Variants in BBS9 observed in about 807,000 individuals in gnomAD.
The protein encoded by BBS9 is Bardet-Biedl syndrome 9.
BBS9 carries 89 observed loss-of-function variants against 117.7 expected under a neutral mutation model. The observed-to-expected ratio is 0.76, with a 90% CI of 0.64 to 0.90. The LOEUF is 0.90. Among genes scored for constraint, BBS9 ranks in the 40% least tolerant of loss-of-function variants. The pLI, the probability that BBS9 is intolerant of heterozygous loss-of-function variation, is 0.00. For synonymous variants in BBS9, 379 were observed against 370.9 expected (o/e 1.02, Z -0.25); for missense variants, 982 against 1,042.2 (o/e 0.94, Z 0.80).
At chr7:33,452,718 G>T (rs537507910) in intron 19 of BBS9, among the ~76,000 whole-genome samples, 1 of 152,306 alleles carries the variant, frequency 6.6e-6, no homozygotes, top group African/African-American at 2.4e-5. Flanking sequence ...CATAAATTTT[G>T]AGGGTAAAAA....
chr7:33,552,536 C>G (rs546633369), intron 21 of BBS9, among the ~76,000 whole-genome samples: 1 of 152,284 alleles, frequency 6.6e-6, no homozygotes, highest in East Asian at 1.9e-4. Flanking sequence ...TAGATCAACT[C>G]TGCAACTGGA....
chr7:33,566,133 T>G (rs954875871), intron 21 of BBS9, among the ~76,000 whole-genome samples: 3 of 151,486 alleles, frequency 2.0e-5, no homozygotes, highest in African/African-American at 7.3e-5. Flanking sequence ...TACTCACACC[T>G]TCACATATTT....
intron 5 of BBS9, among the ~76,000 whole-genome samples, chr7:33,256,699 T>C (rs2128311350): frequency 6.6e-6 from 1 of 152,262 alleles, no homozygotes; most frequent in East Asian, 1.9e-4. Flanking sequence ...TTACTGTATA[T>C]GGTGTATGAG....
chr7:33,471,755 T>A (rs959077706), intron 19 of BBS9, among the ~76,000 whole-genome samples: 3 of 152,152 alleles, frequency 2.0e-5, no homozygotes, highest in Non-Finnish European at 4.4e-5. Context: ...CTTGCCAAAT[T>A]TGTAAAGGTT....
intron 5 of BBS9, among the ~76,000 whole-genome samples, chr7:33,211,143 T>C (rs1787936591): frequency 6.6e-6 from 1 of 152,236 alleles, no homozygotes; most frequent in African/African-American, 2.4e-5. Flanking sequence ...TGTGTTTTAA[T>C]TGGAGAGTTT....
chr7:33,586,399 A>G (rs1860897426), intron 21 of BBS9, among the ~76,000 whole-genome samples: 1 of 151,908 alleles, frequency 6.6e-6, no homozygotes, highest in African/African-American at 2.4e-5. Flanking sequence ...TAAATAACAG[A>G]TCTGGGTGAG....
chr7:33,467,463 TGTTA>T (rs996444660), intron 19 of BBS9, among the ~76,000 whole-genome samples: 7 of 152,142 alleles, frequency 4.6e-5, no homozygotes, highest in African/African-American at 1.7e-4. Context: ...CAAATAAGTC[TGTTA>T]GTTCATTTGT....
At chr7:33,404,456 T>C (rs1015147836) in intron 19 of BBS9, among the ~76,000 whole-genome samples, 40 of 152,136 alleles carry the variant, frequency 2.6e-4, no homozygotes, top group African/African-American at 9.7e-4. Flanking sequence ...TTTCACGGTA[T>C]TGATTCTTCC....
chr7:33,611,706 T>G (rs1212294882), intron 21 of BBS9, among the ~76,000 whole-genome samples: 1 of 138,880 alleles, frequency 7.2e-6, no homozygotes, highest in Non-Finnish European at 1.5e-5. Context: ...TTAATATATA[T>G]AAGGTGTATT....
chr7:33,546,694 G>A (rs1257230874), intron 21 of BBS9, among the ~76,000 whole-genome samples: 1 of 152,052 alleles, frequency 6.6e-6, no homozygotes, highest in Non-Finnish European at 1.5e-5. Context: ...AGTTCCCTTG[G>A]CCTGGAGAGG....
intron 18 of BBS9, among the ~76,000 whole-genome samples, chr7:33,384,061 G>A (rs937817357): frequency 6.6e-6 from 1 of 152,114 alleles, no homozygotes. Context: ...ATGTCGTCTG[G>A]CCCTGGAACA....
intron 21 of BBS9, among the ~76,000 whole-genome samples, chr7:33,625,054 G>A (rs938697805): frequency 1.3e-5 from 2 of 152,172 alleles, no homozygotes; most frequent in Non-Finnish European, 2.9e-5. Context: ...TTGATAAGGA[G>A]TTTTATTGGA....
chr7:33,228,131 C>T (rs915053524), intron 5 of BBS9, among the ~76,000 whole-genome samples: 1 of 152,100 alleles, frequency 6.6e-6, no homozygotes, highest in Non-Finnish European at 1.5e-5. Context: ...ACATCCATGC[C>T]AATATCTATT....
chr7:33,542,305 G>A (rs995413880), intron 21 of BBS9, among the ~76,000 whole-genome samples: 6 of 151,988 alleles, frequency 3.9e-5, no homozygotes, highest in African/African-American at 1.4e-4. Context: ...GGCTGGTCTC[G>A]AACTCCTGAC....
intron 19 of BBS9, among the ~76,000 whole-genome samples, chr7:33,480,352 T>A (rs1441100037): frequency 6.6e-6 from 1 of 152,210 alleles, no homozygotes; most frequent in African/African-American, 2.4e-5. Context: ...AAAGAGGGTT[T>A]TTATTTGTAA....
At chr7:33,601,664 C>T (rs1054110999) in intron 21 of BBS9, among the ~76,000 whole-genome samples, 1 of 152,152 alleles carries the variant, frequency 6.6e-6, no homozygotes, top group Non-Finnish European at 1.5e-5. Flanking sequence ...GATCTCATTA[C>T]ATGAGCAAGG....
At chr7:33,150,331 G>A (rs933616492) in intron 2 of BBS9, among the ~76,000 whole-genome samples, 3 of 151,948 alleles carry the variant, frequency 2.0e-5, no homozygotes, top group Non-Finnish European at 4.4e-5. Context: ...AGCTATCTTC[G>A]ATAAAGCTAT....
At chr7:33,293,503 C>T (rs1316174656) in intron 9 of BBS9, among the ~76,000 whole-genome samples, 2 of 152,010 alleles carry the variant, frequency 1.3e-5, no homozygotes, top group African/African-American at 4.8e-5. Context: ...ATAATGCAGA[C>T]TTGTATTGTT....
At chr7:33,618,699 A>T (rs1279147050) in intron 21 of BBS9, among the ~76,000 whole-genome samples, 1 of 152,126 alleles carries the variant, frequency 6.6e-6, no homozygotes, top group African/African-American at 2.4e-5. Context: ...ATTTTTTTAA[A>T]ATGTAAATTA....
Sources: allele counts gnomAD v4.1 joint callset (sites outside exome capture counted in the v4.1 genomes callset), GRCh38; gene constraint gnomAD v4.1.1; transcripts MANE v1.5; gene names NCBI Gene and HGNC (gene_info 2026-07-23, HGNC 2026-07-21).